Variants in CNNM2 observed in about 807,000 individuals in gnomAD.
CNNM2 encodes the protein cyclin and CBS domain divalent metal cation transport mediator 2.
Under a neutral mutation model 66.9 loss-of-function variants are expected in CNNM2, and 12 were observed. The ratio of observed to expected loss-of-function variants is 0.18; its 90% CI spans 0.11 to 0.29. The LOEUF (loss-of-function observed/expected upper bound fraction) is 0.29, where lower values mean the gene tolerates loss of function less well. Ranked by LOEUF, CNNM2 falls within the 10% of genes least tolerant of loss-of-function variation. The pLI, the probability that CNNM2 is intolerant of heterozygous loss-of-function variation, is 1.00. For missense variants in CNNM2, 705 were observed against 1,167.7 expected (o/e 0.60, Z 5.77); for synonymous variants, 557 against 501.8 (o/e 1.11, Z -1.47).
chr10:103,079,233 A>G lies in CNNM2; in HGVS notation c.*2053A>G, dbSNP rs574850554. 1 of 152,382 alleles carries G rather than the reference A, an allele frequency of 6.6e-6. No individual in the cohort carries two copies. Among genetic ancestry groups the G allele is most frequent in the South Asian group, 2.1e-4 (1 of 4,834 alleles). The allele number at this position is 152,382 out of a possible 1,614,324, so 9.4% of individuals were successfully genotyped here. On this transcript the variant is annotated 3_prime_UTR_variant, in exon 8 of 8. Transcript: ENST00000369878. ...ACACCAGTGTGATGAGTGTATAAAG[A>G]TGAGGGGTCCTTGCAACAAAGCAAA... is the stretch of plus-strand genomic sequence containing the variant.
intron 1 of CNNM2, among the ~76,000 whole-genome samples, chr10:102,988,410 T>G (rs1590355172): frequency 6.6e-6 from 1 of 152,098 alleles, no homozygotes; most frequent in Admixed American, 6.6e-5. Flanking sequence ...CTGTGAATGC[T>G]CACAGGTGCA....
chr10:102,944,097 T>C (rs1396439748), intron 1 of CNNM2, among the ~76,000 whole-genome samples: 1 of 151,624 alleles, frequency 6.6e-6, no homozygotes, highest in African/African-American at 2.4e-5. Context: ...TTTTTTTTTT[T>C]TTTTGAGATG....
rs1590316553 is a variant in CNNM2, at chr10:102,962,329, A to G, written c.1621+42228A>G. ...CACATATATCCTGGAAACGTAAAATAAAATTAAATTTAAAAAATGATTAAA... is the reference window on the plus strand; with the variant it reads ...CACATATATCCTGGAAACGTAAAATGAAATTAAATTTAAAAAATGATTAAA... On this transcript the variant is annotated intron_variant, in intron 1 of 7. Transcript: ENST00000369878. Among the ~76,000 whole-genome samples, 4 of 152,354 alleles carry G rather than the reference A, an allele frequency of 2.6e-5. No homozygotes were observed. In the East Asian group the frequency reaches 7.7e-4, roughly 29 times the overall value.
At chr10:102,956,957 G>A (rs564896389) in intron 1 of CNNM2, among the ~76,000 whole-genome samples, 7 of 152,104 alleles carry the variant, frequency 4.6e-5, no homozygotes, top group Non-Finnish European at 1.0e-4. Context: ...CGTTGTGCAC[G>A]TGTACCCTAG....
intron 1 of CNNM2, among the ~76,000 whole-genome samples, chr10:102,940,449 C>T (rs1258821622): frequency 1.3e-5 from 2 of 152,072 alleles, no homozygotes; most frequent in Non-Finnish European, 2.9e-5. Flanking sequence ...GATGGAGTCT[C>T]ACTCTGTCAC....
intron 1 of CNNM2, among the ~76,000 whole-genome samples, chr10:102,980,675 CTGT>C (rs1419150603): frequency 1.3e-5 from 2 of 152,144 alleles, no homozygotes; most frequent in African/African-American, 2.4e-5. Flanking sequence ...TTCCTCTATC[CTGT>C]TGTTATAATT....
chr10:103,033,495 A>G (rs1001590864), intron 1 of CNNM2, among the ~76,000 whole-genome samples: 9 of 151,086 alleles, frequency 6.0e-5, no homozygotes, highest in Non-Finnish European at 7.4e-5. Flanking sequence ...CGCCTGGACA[A>G]TCTAAGGTTT....
intron 1 of CNNM2, among the ~76,000 whole-genome samples, chr10:102,975,574 C>A (rs1381545900): frequency 6.6e-6 from 1 of 151,492 alleles, no homozygotes; most frequent in Non-Finnish European, 1.5e-5. Flanking sequence ...ACTGAGAGGG[C>A]AGGAGGAACT....
chr10:103,042,811 T>A (rs1332002513), intron 1 of CNNM2, among the ~76,000 whole-genome samples: 1 of 152,222 alleles, frequency 6.6e-6, no homozygotes, highest in Non-Finnish European at 1.5e-5. Context: ...CAAATTGGCT[T>A]CCTCTGGAGA....
rs199673086 is a variant in CNNM2 at position 103,008,501 on chromosome 10, C to CG, written c.1622-41202dup. On this transcript the variant is annotated intron_variant, in intron 1 of 7. Transcript: ENST00000369878. ...GAGTTTCAAGTGTTTAACTTTTGGC[C>CG]GGGGTGGTGCCTCACACTTGTGATC... Among the ~76,000 whole-genome samples, 616 of 152,140 alleles carry CG rather than the reference C, an allele frequency of 4.0e-3. 19 individuals carry two copies. In the East Asian group the frequency reaches 0.072, roughly 18 times the overall value.
chr10:102,929,372 G>T (rs1250656537), intron 1 of CNNM2, among the ~76,000 whole-genome samples: 1 of 151,698 alleles, frequency 6.6e-6, no homozygotes, highest in African/African-American at 2.4e-5. Context: ...GAATCTAGGA[G>T]TTTGAGGCTG....
Position 103,018,686 on chromosome 10 carries a change from CTTTTTTTTTTTT to C in CNNM2, c.1622-31011_1622-31000del, listed in dbSNP as rs370000130. ...AGCAAGGTAAATATACTCTTCTTTC[CTTTTTTTTTTTT>C]TTTTTTTTTGAGATGGAGTCTCCCT... On this transcript the variant is annotated intron_variant, in intron 1 of 7. Transcript: ENST00000369878. Among the ~76,000 whole-genome samples, 38 of 116,294 alleles carry C rather than the reference CTTTTTTTTTTTT, an allele frequency of 3.3e-4. 1 individual carries two copies. In the Admixed American group the frequency reaches 3.5e-3, roughly 11 times the overall value. 76.3% of individuals were successfully genotyped at this position (116,294 alleles called of 152,430 possible).
chr10:102,980,381 C>T (rs1355484397), intron 1 of CNNM2, among the ~76,000 whole-genome samples: 2 of 151,690 alleles, frequency 1.3e-5, no homozygotes, highest in East Asian at 3.9e-4. Context: ...GGTGATCCTC[C>T]CACCTTAGCC....
rs1717909471 is a variant in CNNM2, at chr10:103,083,340, GTTTT to G, written c.*6162_*6165del. 6.6e-6 allele frequency: 1 copy of G among 152,180 alleles called. No homozygotes were observed. Among genetic ancestry groups the G allele is most frequent in the African/African-American group, 2.4e-5 (1 of 41,436 alleles). The allele number at this position is 152,180 out of a possible 1,614,324, so 9.4% of individuals were successfully genotyped here. On this transcript the variant is annotated 3_prime_UTR_variant, in exon 8 of 8. Coordinates refer to ENST00000369878, the MANE Select transcript of CNNM2 (RefSeq NM_017649.5). ...GTAAATTTTGTGATTGTTTTACAAG[GTTTT>G]TGTTTATTTCTATTCTATTTAGATA...
Position 103,034,870 on chromosome 10 carries a change from G to A in CNNM2, c.1622-14837G>A, listed in dbSNP as rs1370842638. 2.0e-5 allele frequency among the ~76,000 whole-genome samples: 3 copies of A among 151,310 alleles called. No individual in the cohort carries two copies. The East Asian group carries it at 5.8e-4, about 29-fold the overall frequency. On this transcript the variant is annotated intron_variant, in intron 1 of 7. Coordinates refer to ENST00000369878, the MANE Select transcript of CNNM2 (RefSeq NM_017649.5). ...AGTCCCAGCTACTCGGGAGGCTGAG[G>A]CAGGAGAATGGCGTGAACCCGGGAA...
intron 2 of CNNM2, among the ~76,000 whole-genome samples, chr10:103,052,414 T>C (rs2065231043): frequency 6.6e-6 from 1 of 152,226 alleles, no homozygotes; most frequent in South Asian, 2.1e-4. Context: ...TTTATACAAA[T>C]GTTAGTTTAA....
Position 103,073,797 on chromosome 10 carries a change from A to G in CNNM2, c.2233+1958A>G, listed in dbSNP as rs10786734. On this transcript the variant is annotated intron_variant, in intron 6 of 7. Transcript: ENST00000369878. ...GAATGGCGTGAACCCGGGAAGCGGA[A>G]CTTGCAGTGAGCCGAGATTCCGCCA... Among the ~76,000 whole-genome samples the G allele has an allele frequency of 1, 150,081 of 150,318 alleles. 74,922 individuals carry two copies. The highest frequency in any genetic ancestry group is 1 in the Middle Eastern group (290 of 290).
intron 1 of CNNM2, among the ~76,000 whole-genome samples, chr10:102,980,531 A>C (rs576750382): frequency 1.1e-4 from 16 of 152,174 alleles, no homozygotes; most frequent in African/African-American, 3.4e-4. Context: ...TGGGCTCCAG[A>C]GTGGTGGGAT....
rs938066197 is a variant in CNNM2 at position 103,048,207 on chromosome 10, G to A, written c.1622-1500G>A. Among the ~76,000 whole-genome samples the A allele has an allele frequency of 1.4e-5, 2 of 141,454 alleles. No homozygotes were observed. Among genetic ancestry groups the A allele is most frequent in the South Asian group, 2.2e-4 (1 of 4,486 alleles). The allele number at this position is 141,454 out of a possible 152,430, so 92.8% of individuals were successfully genotyped here. ...TGGGATTACAAATGTGAGCCACTGC[G>A]CTCAGCATTTTTTTTTTTTTTTTTT... On this transcript the variant is annotated intron_variant, in intron 1 of 7. Coordinates refer to ENST00000369878, the MANE Select transcript of CNNM2 (RefSeq NM_017649.5).
Sources: gnomAD v4.1 joint callset for allele counts (sites outside exome capture counted in the v4.1 genomes callset) on GRCh38, gnomAD v4.1.1 for gene constraint, MANE v1.5 for transcripts, NCBI Gene and HGNC (gene_info 2026-07-23, HGNC 2026-07-21) for gene names.